Variants in SEC14L1 observed in about 807,000 individuals in gnomAD.
SEC14L1 encodes the protein SEC14-like protein 1.
Under a neutral mutation model 85.3 loss-of-function variants are expected in SEC14L1, and 48 were observed. The observed-to-expected ratio is 0.56, with a 90% CI of 0.45 to 0.72. The LOEUF is 0.72. Ranked by LOEUF, SEC14L1 falls within the 30% of genes least tolerant of loss-of-function variation. The pLI, the probability that SEC14L1 is intolerant of heterozygous loss-of-function variation, is 0.00. For synonymous variants in SEC14L1, 391 were observed against 355.5 expected (o/e 1.10, Z -1.12); for missense variants, 682 against 921.4 (o/e 0.74, Z 3.36).
chr17:77,214,274 G>A lies in SEC14L1; in HGVS notation c.*251G>A. 7 of 1,288,614 alleles carry A rather than the reference G, an allele frequency of 5.4e-6. No individual in the cohort carries two copies. The highest frequency in any genetic ancestry group is 5.9e-6 in the Non-Finnish European group (6 of 1,017,424). The allele number at this position is 1,288,614 out of a possible 1,614,324, so 79.8% of individuals were successfully genotyped here. ...TGCACAAAATCCAACCAGAGCGCAA[G>A]GGCTCTCTTGAAAGAAAAGTAGTTT... On this transcript the variant is annotated 3_prime_UTR_variant, in exon 17 of 17. Coordinates refer to ENST00000436233, the MANE Select transcript of SEC14L1 (RefSeq NM_001143998.2).
At chr17:77,153,155 C>T (rs767335881) in intron 3 of SEC14L1, among the ~76,000 whole-genome samples, 4 of 152,202 alleles carry the variant, frequency 2.6e-5, no homozygotes, top group Non-Finnish European at 4.4e-5. Context: ...GCAACCTCCG[C>T]CTCCCGGGTT....
In SEC14L1 at chr17:77,190,830, C is replaced by T; in HGVS notation, c.91C>T (p.Pro31Ser). The change falls in exon 4 of 17, where the codon CCT becomes TCT. Residue 31 changes from proline to serine, a missense_variant. Transcript: ENST00000436233. ...CTATGAAAGGAGGTTCCCTACATGT[C>T]CTTTGATTCCGATGTTCGTGGGCAG... ...AAYERRFPTC[P>S]LIPMFVGSDT... The T allele has an allele frequency of 6.2e-7, 1 of 1,614,180 alleles. No individual in the cohort carries two copies.
intron 3 of SEC14L1, among the ~76,000 whole-genome samples, chr17:77,165,961 G>C (rs1205511213): frequency 6.6e-6 from 1 of 152,222 alleles, no homozygotes; most frequent in Admixed American, 6.5e-5. Flanking sequence ...TTTGCATTCA[G>C]AAGGTCCCCC....
At chr17:77,166,739 T>G (rs1974300543) in intron 3 of SEC14L1, among the ~76,000 whole-genome samples, 1 of 152,116 alleles carries the variant, frequency 6.6e-6, no homozygotes. Flanking sequence ...CTTCAGAGGC[T>G]GAGGCAGGAG....
chr17:77,191,390 A>G, intron 5 of SEC14L1, 78 bp downstream of exon 5: 1 of 1,526,818 alleles, frequency 6.5e-7, no homozygotes, highest in Non-Finnish European at 9.0e-7. Context: ...CATTTTAAAC[A>G]GTGCATCTTT....
chr17:77,137,281 G>A (rs905982358), upstream of SEC14L1, among the ~76,000 whole-genome samples: 1 of 152,152 alleles, frequency 6.6e-6, no homozygotes, highest in Non-Finnish European at 1.5e-5. Flanking sequence ...GGCTGTTCAG[G>A]AAGCATGGCG....
At chr17:77,103,836 G>C (rs576002268) in intron 3 of SEC14L1, among the ~76,000 whole-genome samples, 1 of 149,942 alleles carries the variant, frequency 6.7e-6, no homozygotes, top group African/African-American at 2.5e-5. Flanking sequence ...ATGGGGTTAT[G>C]AGGATACAAT....
chr17:77,141,727 T>A (rs1973057910), intron 1 of SEC14L1: 1 of 152,182 alleles, frequency 6.6e-6, no homozygotes, highest in East Asian at 1.9e-4. Flanking sequence ...CTTAAGTGAG[T>A]GTAGCCAGTT....
At chr17:77,107,047 T>A in intron 3 of SEC14L1, among the ~76,000 whole-genome samples, 1 of 152,146 alleles carries the variant, frequency 6.6e-6, no homozygotes, top group East Asian at 1.9e-4. Flanking sequence ...TAATATACCA[T>A]CAAGGATCAC....
At chr17:77,205,114 T>G in intron 10 of SEC14L1, 162 bp from the exon 11 acceptor site, 1 of 598,928 alleles carries the variant, frequency 1.7e-6, no homozygotes, top group Non-Finnish European at 3.0e-6. Flanking sequence ...TTGGTGGTGA[T>G]GTGTTTAGCG....
intron 3 of SEC14L1, among the ~76,000 whole-genome samples, chr17:77,160,331 G>A (rs118018966): frequency 0.015 from 2,248 of 152,318 alleles, 23 homozygotes; most frequent in South Asian, 0.046. Flanking sequence ...GCCAAGTCCA[G>A]GCGGATCTGA....
chr17:77,190,678 A>C lies in SEC14L1; in HGVS notation c.64-125A>C. On this transcript the variant is annotated intron_variant, in intron 3 of 16. Coordinates refer to ENST00000436233, the MANE Select transcript of SEC14L1 (RefSeq NM_001143998.2). ...TCTTTAATGAAAGCTTCAGATGTGA[A>C]GACAGTTGTGGCGCTGCCTGTTGCC... is the stretch of plus-strand genomic sequence containing the variant. The C allele has an allele frequency of 3.4e-6, 3 of 889,660 alleles. No homozygotes were observed. In the South Asian group the frequency reaches 5.0e-5, roughly 15 times the overall value. The allele number at this position is 889,660 out of a possible 1,614,324, so 55.1% of individuals were successfully genotyped here. A position where few individuals can be genotyped will look rare whatever the true frequency, so the allele number is the denominator to read the frequency against.
Position 77,214,358 on chromosome 17 carries a change from G to T in SEC14L1, c.*335G>T. The T allele has an allele frequency of 9.4e-7, 1 of 1,068,166 alleles. No individual in the cohort carries two copies. Among genetic ancestry groups the T allele is most frequent in the Non-Finnish European group, 1.1e-6 (1 of 880,278 alleles). The allele number at this position is 1,068,166 out of a possible 1,614,324, so 66.2% of individuals were successfully genotyped here. A position where few individuals can be genotyped will look rare whatever the true frequency, so the allele number is the denominator to read the frequency against. ...TATTGATGCAAAAAATTTTTCCAAC[G>T]AACTCCGCATTGTCCATTAGTGAAT... On this transcript the variant is annotated 3_prime_UTR_variant, in exon 17 of 17. Transcript: ENST00000436233.
intron 3 of SEC14L1, among the ~76,000 whole-genome samples, chr17:77,119,648 T>G (rs1286219493): frequency 1.6e-4 from 25 of 152,168 alleles, no homozygotes; most frequent in Non-Finnish European, 3.7e-4. Context: ...ATGTGAAATA[T>G]CATCTCTAAT....
intron 3 of SEC14L1, among the ~76,000 whole-genome samples, chr17:77,111,191 G>GAAAA (rs57425211): frequency 9.9e-6 from 1 of 101,116 alleles, no homozygotes; most frequent in Non-Finnish European, 2.0e-5. Flanking sequence ...GTCTCAAAAA[G>GAAAA]AAAAAAAAAA....
intron 3 of SEC14L1, chr17:77,145,146 CAT>C: frequency 7.1e-6 from 1 of 140,606 alleles, no homozygotes; most frequent in Non-Finnish European, 1.5e-5. Context: ...TATATATACA[CAT>C]ATATATTTGT....
chr17:77,216,725 G>T lies in SEC14L1; in HGVS notation c.*2702G>T. 1 of 1,275,588 alleles carries T rather than the reference G, an allele frequency of 7.8e-7. No homozygotes were observed. Among genetic ancestry groups the T allele is most frequent in the Non-Finnish European group, 1.1e-6 (1 of 907,156 alleles). 79.0% of individuals were successfully genotyped at this position (1,275,588 alleles called of 1,614,324 possible). ...TTCTTTTATACCCAAAGACTGTAGT[G>T]CATCTTGAAGAGCTCAAAGCACATG... On this transcript the variant is annotated 3_prime_UTR_variant, in exon 17 of 17. Coordinates refer to ENST00000436233, the MANE Select transcript of SEC14L1 (RefSeq NM_001143998.2).
chr17:77,215,637 C>T lies in SEC14L1; in HGVS notation c.*1614C>T, dbSNP rs1976999346. On this transcript the variant is annotated 3_prime_UTR_variant, in exon 17 of 17. Coordinates refer to ENST00000436233, the MANE Select transcript of SEC14L1 (RefSeq NM_001143998.2). The stretch of plus-strand genomic sequence containing the variant: ...CAGGGCCTGTGCTGTGATCACCTGC[C>T]TTTGGACCACATTTGTGTTTGCTCT... 1.0e-5 allele frequency: 10 copies of T among 990,786 alleles called. No individual in the cohort carries two copies. The highest frequency in any genetic ancestry group is 1.2e-5 in the Non-Finnish European group (10 of 832,420). 61.4% of individuals were successfully genotyped at this position (990,786 alleles called of 1,614,324 possible).
At chr17:77,180,082 T>TGTTATGTTAC (rs1555624609) in intron 3 of SEC14L1, among the ~76,000 whole-genome samples, 295 of 145,324 alleles carry the variant, frequency 2.0e-3, no homozygotes, top group Middle Eastern at 7.4e-3. Flanking sequence ...TGTTATGTTA[T>TGTTATGTTAC]GTTATGTTAT....
Sources: gnomAD v4.1 joint callset for allele counts (sites outside exome capture counted in the v4.1 genomes callset) on GRCh38, gnomAD v4.1.1 for gene constraint, MANE v1.5 for transcripts, NCBI Gene and HGNC (gene_info 2026-07-23, HGNC 2026-07-21) for gene names.